The following MYH7 variants were observed in gnomAD, a reference collection of about 807,000 sequenced individuals.
MYH7 encodes myosin heavy chain 7.
Under a neutral mutation model 225.4 loss-of-function variants are expected in MYH7, and 129 were observed. The ratio of observed to expected loss-of-function variants is 0.57; its 90% CI spans 0.50 to 0.66. The LOEUF is 0.66. Ranked by LOEUF, MYH7 falls within the 30% of genes least tolerant of loss-of-function variation. The pLI is 0.00. For missense variants in MYH7, 1,649 were observed against 2,517.0 expected (o/e 0.66, Z 7.38); for synonymous variants, 971 against 1,007.6 (o/e 0.96, Z 0.69).
At chr14:23,429,991 G>C in intron 11 of MYH7, 78 bp from the exon 12 acceptor site, 1 of 1,554,360 alleles carries the variant, frequency 6.4e-7, no homozygotes, top group Non-Finnish European at 8.8e-7. Context: ...AAGTTGGAGA[G>C]AAAACTTGTC....
chr14:23,427,701 A>G lies in MYH7; in HGVS notation c.1772T>C (p.Ile591Thr), dbSNP rs775089432. 2.0e-5 allele frequency: 33 copies of G among 1,614,050 alleles called. No homozygotes were observed. Among genetic ancestry groups the G allele is most frequent in the African/African-American group, 2.7e-5 (2 of 74,918 alleles). The change falls in exon 16 of 40, where the codon ATT becomes ACT. Residue 591 changes from isoleucine (I) to threonine (T), a missense_variant. Around this residue, in one of 12 missense-constraint regions of MYH7, gnomAD observed 112 missense variants for 161.9 expected, o/e 0.69. Coordinates refer to ENST00000355349, the MANE Select transcript of MYH7 (RefSeq NM_000257.4). ...HYAGIVDYNIIGWLQKNKDPL... is the reference protein window; with the variant it reads ...HYAGIVDYNITGWLQKNKDPL... ...ATCCTTGTTCTTCTGCAGCCAGCCAATGATGTTGTAGTCCACGATGCCGGC... is the reference window on the plus strand; with the variant it reads ...ATCCTTGTTCTTCTGCAGCCAGCCAGTGATGTTGTAGTCCACGATGCCGGC...
In MYH7 at chr14:23,423,929, T is replaced by C; in HGVS notation, c.2900A>G (p.Glu967Gly). Residue 967 changes from glutamate to glycine, a missense_variant, in exon 23 of 40, where the codon GAG becomes GGG. By Grantham distance (98) the Glu-to-Gly change is moderately conservative (BLOSUM62 -2). Transcript: ENST00000355349. ...TACCTTGTTCTCTGTTGCGTGTTTC[T>C]CCTTCTCCACTTTGGCCAGTGTCAG... ...LELTLAKVEK[E>G]KHATENKVKN... 1 of 1,614,146 alleles carries C rather than the reference T, an allele frequency of 6.2e-7. No homozygotes were observed. Among genetic ancestry groups the C allele is most frequent in the Non-Finnish European group, 8.5e-7 (1 of 1,180,040 alleles).
At chr14:23,423,491 C>T in intron 24 of MYH7, 56 bp downstream of exon 24, 3 of 1,385,672 alleles carry the variant, frequency 2.2e-6, no homozygotes, top group Non-Finnish European at 3.0e-6. Context: ...ACACACAGAG[C>T]TCTGGGCACA....
rs746261895 is a variant in MYH7, at chr14:23,416,907, G to A, written c.4605C>T (p.Ala1535=). ...GGGCTGACTGCAGCTCCATCTTCTC[G>A]GCCTCCAGCTGCTTTCGGACCTTCT... ...ELEKVRKQLE[A]EKMELQSALE... is the part of the protein sequence containing the mutation. Residue 1535 remains alanine (A), a synonymous_variant, in exon 33 of 40, where the codon GCC becomes GCT. Transcript: ENST00000355349. 23 of 1,614,044 alleles carry A rather than the reference G, an allele frequency of 1.4e-5. No individual in the cohort carries two copies. The highest frequency in any genetic ancestry group is 2.2e-5 in the East Asian group (1 of 44,898).
chr14:23,422,087 T>G, intron 25 of MYH7, 93 bp downstream of exon 25: 9 of 1,583,796 alleles, frequency 5.7e-6, no homozygotes, highest in Middle Eastern at 2.3e-4. Context: ...GGAGGCTGCG[T>G]GAGGTTGTTG....
intron 33 of MYH7, among the ~76,000 whole-genome samples, chr14:23,416,560 A>G (rs1892221458): frequency 6.6e-6 from 1 of 152,234 alleles, no homozygotes; most frequent in South Asian, 2.1e-4. Context: ...AGTGTTGCCA[A>G]GGAAACAGAG....
At position 23,415,541 on chromosome 14, in the gene MYH7, G is replaced by C. The variant is rs45609633; in HGVS notation, c.5158-35C>G. The C allele has an allele frequency of 6.2e-7, 1 of 1,614,108 alleles. No homozygotes were observed. The highest frequency in any genetic ancestry group is 1.3e-5 in the African/African-American group (1 of 75,058). On this transcript the variant is annotated intron_variant, in intron 35 of 39. Coordinates refer to ENST00000355349, the MANE Select transcript of MYH7 (RefSeq NM_000257.4). This position sits in a 1 kb window ranked among gnomAD's most constrained non-coding sequence, Gnocchi z 6.3. ...GGGAGGGTTGGGCAGAGCAGGAAAA[G>C]CATTGAGCATCTATGCATAGCTCTC...
rs397516139 is a variant in MYH7 at position 23,425,752 on chromosome 14, C to T, written c.2229G>A (p.Glu743=). Residue 743 remains glutamate (E), a synonymous_variant, in exon 20 of 40, where the codon GAG becomes GAA. Transcript: ENST00000355349. This position sits in a 1 kb window ranked among gnomAD's most constrained non-coding sequence, Gnocchi z 4.6. ...GQFIDSRKGA[E]KLLSSLDIDH... is the part of the protein sequence containing the mutation. The stretch of plus-strand genomic sequence containing the variant: ...CAATGTCCAGGGAGCTGAGCAGCTT[C>T]TCTGCCCCCTTCCTGCTATCAATGA... 4 of 1,613,922 alleles carry T rather than the reference C, an allele frequency of 2.5e-6. No individual in the cohort carries two copies. Among genetic ancestry groups the T allele is most frequent in the Non-Finnish European group, 3.4e-6 (4 of 1,179,880 alleles).
rs764894008 is a variant in MYH7 at position 23,425,454 on chromosome 14, G to A, written c.2287-36C>T. The stretch of plus-strand genomic sequence containing the variant: ...GGTGTGTGTTGGCCATGACTAGGGA[G>A]GGGTACGAGGGAAAGAGATGGTGGG... On this transcript the variant is annotated intron_variant, in intron 20 of 39. Coordinates refer to ENST00000355349, the MANE Select transcript of MYH7 (RefSeq NM_000257.4). The surrounding 1 kb of genome is among the most constrained non-coding windows in gnomAD (Gnocchi z 4.6). The A allele has an allele frequency of 1.2e-6, 2 of 1,613,926 alleles. No homozygotes were observed. Among genetic ancestry groups the A allele is most frequent in the South Asian group, 2.2e-5 (2 of 91,076 alleles).
Position 23,415,793 on chromosome 14 carries a change from C to T in MYH7, c.4993G>A (p.Asp1665Asn), listed in dbSNP as rs769528619. 5 of 1,614,222 alleles carry T rather than the reference C, an allele frequency of 3.1e-6. No individual in the cohort carries two copies. Among genetic ancestry groups the T allele is most frequent in the Non-Finnish European group, 3.4e-6 (4 of 1,180,040 alleles). ...IQLDDAVRAN[D>N]DLKENIAIVE... is the part of the protein sequence containing the mutation. Reference sequence around the variant, plus strand: ...ATGGCGATGTTCTCCTTCAGGTCGTCGTTGGCACGGACTGCATCGTCCAGC... The same window carrying T: ...ATGGCGATGTTCTCCTTCAGGTCGTTGTTGGCACGGACTGCATCGTCCAGC... The change falls in exon 35 of 40, where the codon GAC becomes AAC. Residue 1665 changes from aspartate to asparagine, a missense_variant. This residue lies in a region of MYH7 where 687 missense variants were observed against 913.8 expected (regional missense o/e 0.75). Transcript: ENST00000355349. The surrounding 1 kb of genome is among the most constrained non-coding windows in gnomAD (Gnocchi z 6.3).
chr14:23,418,432 T>C lies in MYH7; in HGVS notation c.3973-26A>G, dbSNP rs1185033770. On this transcript the variant is annotated intron_variant, in intron 29 of 39. Coordinates refer to ENST00000355349, the MANE Select transcript of MYH7 (RefSeq NM_000257.4). ...CTGGGGAGGGGTGGGCACCAGGAGG[T>C]GGGTTCAGCTTTCTCCATAAAGCAA... is the stretch of plus-strand genomic sequence containing the variant. The C allele has an allele frequency of 1.9e-6, 3 of 1,589,576 alleles. No individual in the cohort carries two copies. In the Admixed American group the frequency reaches 5.1e-5, roughly 27 times the overall value.
intron 26 of MYH7, 150 bp from the exon 27 acceptor site, chr14:23,420,384 T>A: frequency 6.7e-7 from 1 of 1,487,546 alleles, no homozygotes; most frequent in Non-Finnish European, 9.0e-7. Context: ...GGGAAGATAG[T>A]TTGAAGAGCC....
chr14:23,428,925 G>A, intron 14 of MYH7, 30 bp downstream of exon 14: 2 of 1,614,118 alleles, frequency 1.2e-6, no homozygotes, highest in Non-Finnish European at 1.7e-6. Context: ...GTGAGTGATT[G>A]TTCTCCCACT....
At position 23,419,554 on chromosome 14, in the gene MYH7, C is replaced by G; in HGVS notation, c.3782G>C (p.Ser1261Thr). Reference sequence around the variant, plus strand: ...AGAACGCTGGGTCTCCTCCGCCTTGCTCCGGTGCTCATTCATCTGGTCTTC... The same window carrying G: ...AGAACGCTGGGTCTCCTCCGCCTTGGTCCGGTGCTCATTCATCTGGTCTTC... Reference protein sequence around the residue: ...TLEDQMNEHRSKAEETQRSVN... With the variant: ...TLEDQMNEHRTKAEETQRSVN... The change falls in exon 28 of 40, where the codon AGC becomes ACC. Residue 1261 changes from serine to threonine, a missense_variant. By Grantham distance (58) the Ser-to-Thr change is moderately conservative. Around this residue, in one of 12 missense-constraint regions of MYH7, gnomAD observed 687 missense variants for 913.8 expected, o/e 0.75. Coordinates refer to ENST00000355349, the MANE Select transcript of MYH7 (RefSeq NM_000257.4). 6.2e-7 allele frequency: 1 copy of G among 1,614,016 alleles called. No individual in the cohort carries two copies. The highest frequency in any genetic ancestry group is 8.5e-7 in the Non-Finnish European group (1 of 1,180,026).
At position 23,416,978 on chromosome 14, in the gene MYH7, A is replaced by G; in HGVS notation, c.4534T>C (p.Leu1512=). The change falls in exon 33 of 40, where the codon TTG becomes CTG. Residue 1512 remains leucine (L), a synonymous_variant. Coordinates refer to ENST00000355349, the MANE Select transcript of MYH7 (RefSeq NM_000257.4). The part of the protein sequence containing the change: ...NKNLQEEISD[L]TEQLGSSGKT... ...CCGCTGGAACCCAACTGCTCAGTCA[A>G]GTCGGAGATCTCCTCTGTGTGGGGA... 6.2e-7 allele frequency: 1 copy of G among 1,614,228 alleles called. No individual in the cohort carries two copies. The highest frequency in any genetic ancestry group is 2.2e-5 in the East Asian group (1 of 44,888).
chr14:23,432,703 C>G lies in MYH7; in HGVS notation c.438G>C (p.Lys146Asn). ...PEVVAAYRGKKRSEAPPHIFS... is the reference protein window; with the variant it reads ...PEVVAAYRGKNRSEAPPHIFS... ...AGATGTGGGGCGGGGCCTCGCTCCTCTTCTTGCCCCGGTAGGCAGCCACCA... is the reference window on the plus strand; with the variant it reads ...AGATGTGGGGCGGGGCCTCGCTCCTGTTCTTGCCCCGGTAGGCAGCCACCA... Residue 146 changes from lysine to asparagine, a missense_variant, in exon 5 of 40, where the codon AAG becomes AAC. Around this residue, in one of 12 missense-constraint regions of MYH7, gnomAD observed 77 missense variants for 144.0 expected, o/e 0.53. Coordinates refer to ENST00000355349, the MANE Select transcript of MYH7 (RefSeq NM_000257.4). 1 of 1,614,146 alleles carries G rather than the reference C, an allele frequency of 6.2e-7. No homozygotes were observed. The highest frequency in any genetic ancestry group is 8.5e-7 in the Non-Finnish European group (1 of 1,180,028).
At chr14:23,432,546 C>T in intron 5 of MYH7, 40 bp from the exon 6 acceptor site, 2 of 1,614,112 alleles carry the variant, frequency 1.2e-6, no homozygotes, top group East Asian at 2.2e-5. Flanking sequence ...AGGAGCTGCA[C>T]AGGATGCTCT....
intron 30 of MYH7, 176 bp downstream of exon 30, chr14:23,418,034 A>G (rs1892299180): frequency 2.9e-6 from 3 of 1,044,060 alleles, no homozygotes; most frequent in African/African-American, 3.1e-5. Context: ...GATCAGAAAC[A>G]TAATTCGAGC....
intron 5 of MYH7, 44 bp downstream of exon 5, chr14:23,432,595 C>T: frequency 6.2e-7 from 1 of 1,614,186 alleles, no homozygotes; most frequent in South Asian, 1.1e-5. Flanking sequence ...TCCCTCCCGG[C>T]CTATCCCAGT....
Sources: gnomAD v4.1 joint callset for allele counts (sites outside exome capture counted in the v4.1 genomes callset) on GRCh38, gnomAD v4.1.1 for gene constraint, gnomAD v4.1.1 regional missense constraint, Gnocchi (gnomAD v3.1) non-coding constraint, MANE v1.5 for transcripts, NCBI Gene and HGNC (gene_info 2026-07-23, HGNC 2026-07-21) for gene names.